Variants in SNX13 observed in about 807,000 individuals in gnomAD.
SNX13 encodes the protein sorting nexin 13.
Under a neutral mutation model 133.6 loss-of-function variants are expected in SNX13, and 45 were observed. The observed-to-expected ratio is 0.34, with a 90% CI of 0.27 to 0.43. SNX13 has a LOEUF of 0.43. Ranked by LOEUF, SNX13 falls within the 20% of genes least tolerant of loss-of-function variation. The pLI is 1.00. For synonymous variants in SNX13, 414 were observed against 373.9 expected (o/e 1.11, Z -1.24); for missense variants, 1,032 against 1,145.1 (o/e 0.90, Z 1.43).
At chr7:17,886,617 T>C (rs1796023208) in intron 5 of SNX13, among the ~76,000 whole-genome samples, 1 of 151,982 alleles carries the variant, frequency 6.6e-6, no homozygotes, top group African/African-American at 2.4e-5. Flanking sequence ...ATTATGTACT[T>C]TCTGCTAATC....
chr7:17,897,091 A>C (rs1484169462), intron 2 of SNX13, among the ~76,000 whole-genome samples: 3 of 152,076 alleles, frequency 2.0e-5, no homozygotes, highest in Non-Finnish European at 4.4e-5. Flanking sequence ...CATTATCACC[A>C]AAAAAAGTTC....
intron 18 of SNX13, 52 bp from the exon 19 acceptor site, chr7:17,816,341 C>T (rs1207316544): frequency 6.7e-7 from 1 of 1,500,002 alleles, no homozygotes; most frequent in Non-Finnish European, 8.9e-7. Context: ...AAAAGGTTTT[C>T]CCAAGTGATT....
chr7:17,859,605 T>C (rs1242571166), intron 9 of SNX13, among the ~76,000 whole-genome samples: 1 of 152,144 alleles, frequency 6.6e-6, no homozygotes, highest in Non-Finnish European at 1.5e-5. Flanking sequence ...TATTAGAACA[T>C]TGTTTTTAAA....
Position 17,873,543 on chromosome 7 carries a change from C to T in SNX13, c.738G>A (p.Met246Ile). The change falls in exon 8 of 26, where the codon ATG becomes ATA. Residue 246 changes from methionine to isoleucine, a missense_variant. Met to Ile is a conservative substitution (Grantham distance 10, BLOSUM62 1). Transcript: ENST00000428135. ...TTAAGCTTACCCTGACAAAGTATCG[C>T]ATGATCTTGTTCTGGAAATCTCCAG... ...LPPGDFQNKI[M>I]RYFVREILAR... The T allele has an allele frequency of 3.8e-6, 6 of 1,582,864 alleles. No individual in the cohort carries two copies. Among genetic ancestry groups the T allele is most frequent in the Non-Finnish European group, 5.1e-6 (6 of 1,165,082 alleles).
At chr7:17,803,076 G>A (rs573993203) in intron 21 of SNX13, among the ~76,000 whole-genome samples, 5 of 152,226 alleles carry the variant, frequency 3.3e-5, no homozygotes, top group Non-Finnish European at 5.9e-5. Context: ...TCATCTGCAC[G>A]ACAGAATTTG....
rs148740360 is a variant in SNX13 at position 17,903,429 on chromosome 7, G to GT, written c.13-5984dup. ...ACACCTCAGAACAACTTATGAAGCA[G>GT]TAGAAGGCAGCAGCATAGTGCTCAA... On this transcript the variant is annotated intron_variant, in intron 1 of 25. Transcript: ENST00000428135. Among the ~76,000 whole-genome samples, 455 of 152,314 alleles carry GT rather than the reference G, an allele frequency of 3.0e-3. 4 individuals carry two copies. The highest frequency in any genetic ancestry group is 0.01 in the African/African-American group (436 of 41,566).
At chr7:17,804,457 G>C (rs529370545) in intron 20 of SNX13, among the ~76,000 whole-genome samples, 31 of 152,062 alleles carry the variant, frequency 2.0e-4, no homozygotes, top group Non-Finnish European at 3.7e-4. Flanking sequence ...AAGGAAAAGA[G>C]ACGTTGCAAA....
rs142139934 is a variant in SNX13 at position 17,792,319 on chromosome 7, G to A, written c.*1726C>T. 5.3e-5 allele frequency: 8 copies of A among 152,066 alleles called. No homozygotes were observed. The East Asian group carries it at 1.4e-3, about 26-fold the overall frequency. 9.4% of individuals were successfully genotyped at this position (152,066 alleles called of 1,614,324 possible). ...AGAAGAAATACTATTTCTTCCACCA[G>A]AGCCACTAAGGATCTTTTCTCACTT... is the stretch of plus-strand genomic sequence containing the variant. On this transcript the variant is annotated 3_prime_UTR_variant, in exon 26 of 26. Coordinates refer to ENST00000428135, the MANE Select transcript of SNX13 (RefSeq NM_015132.5).
chr7:17,842,821 G>C (rs1439909635), intron 12 of SNX13, among the ~76,000 whole-genome samples: 2 of 152,044 alleles, frequency 1.3e-5, no homozygotes, highest in Admixed American at 6.6e-5. Context: ...AGCTGTAAAG[G>C]AGCAAAGTTT....
In SNX13 at chr7:17,834,755, T is replaced by C. The variant is rs777150493; in HGVS notation, c.1464+6A>G. The C allele has an allele frequency of 6.4e-6, 10 of 1,556,782 alleles. No homozygotes were observed. Among genetic ancestry groups the C allele is most frequent in the Admixed American group, 1.7e-5 (1 of 59,334 alleles). The stretch of plus-strand genomic sequence containing the variant: ...ATAAAATGATAAATGCTGTACATAA[T>C]AATACCTTTCTTTGAATGTCATCAA... On this transcript the variant is annotated splice_donor_region_variant and intron_variant, in intron 14 of 25. Coordinates refer to ENST00000428135, the MANE Select transcript of SNX13 (RefSeq NM_015132.5).
chr7:17,843,289 G>A (rs1479848414), intron 12 of SNX13, among the ~76,000 whole-genome samples: 5 of 151,996 alleles, frequency 3.3e-5, no homozygotes, highest in African/African-American at 9.7e-5. Context: ...GGCTACACTA[G>A]TATCAGCTGA....
At position 17,848,708 on chromosome 7, in the gene SNX13, C is replaced by T. The variant is rs756522853; in HGVS notation, c.1065+1639G>A. Among the ~76,000 whole-genome samples, 16 of 152,328 alleles carry T rather than the reference C, an allele frequency of 1.1e-4. No individual in the cohort carries two copies. The East Asian group carries it at 2.7e-3, about 26-fold the overall frequency. On this transcript the variant is annotated intron_variant, in intron 11 of 25. Coordinates refer to ENST00000428135, the MANE Select transcript of SNX13 (RefSeq NM_015132.5). ...GGTCCGAGTGAGTGGAGTTTGATCCCGCCAGTGCCGAAGTGGCAGGCTGGT... is the reference window on the plus strand; with the variant it reads ...GGTCCGAGTGAGTGGAGTTTGATCCTGCCAGTGCCGAAGTGGCAGGCTGGT...
Position 17,829,993 on chromosome 7 carries a change from C to G in SNX13, c.1635+17G>C. The G allele has an allele frequency of 2.0e-6, 3 of 1,505,734 alleles. No homozygotes were observed. Among genetic ancestry groups the G allele is most frequent in the Non-Finnish European group, 2.7e-6 (3 of 1,113,272 alleles). 93.3% of individuals were successfully genotyped at this position (1,505,734 alleles called of 1,614,324 possible). A position where few individuals can be genotyped will look rare whatever the true frequency, so the allele number is the denominator to read the frequency against. ...ATTTTCAAGTCACTTTAATAAAGTA[C>G]CCATAATAGTACTTACCAAATTTAT... On this transcript the variant is annotated intron_variant, in intron 16 of 25. Transcript: ENST00000428135.
chr7:17,920,519 G>A (rs1216911718), intron 1 of SNX13, among the ~76,000 whole-genome samples: 9 of 152,096 alleles, frequency 5.9e-5, no homozygotes, highest in South Asian at 4.1e-4. Flanking sequence ...CTCTGTGGGC[G>A]GTGATGTCTG....
intron 8 of SNX13, among the ~76,000 whole-genome samples, chr7:17,872,775 T>C (rs1307640584): frequency 6.6e-6 from 1 of 152,236 alleles, no homozygotes; most frequent in East Asian, 1.9e-4. Context: ...CTTTTGTTTT[T>C]AGGAAAATTC....
At chr7:17,880,821 A>G (rs1329418199) in intron 5 of SNX13, 2 of 152,216 alleles carry the variant, frequency 1.3e-5, no homozygotes, top group African/African-American at 4.8e-5. Flanking sequence ...AATATGTCAT[A>G]ATTTAAAGAG....
Position 17,799,184 on chromosome 7 carries a change from T to C in SNX13, c.2299-30A>G, listed in dbSNP as rs761661584. ...CAAAATATAAGAAATAAGAATAAGT[T>C]TGAGTTAGCTATCTACTATGAATTG... On this transcript the variant is annotated intron_variant, in intron 22 of 25. Transcript: ENST00000428135. The C allele has an allele frequency of 3.9e-5, 61 of 1,556,036 alleles. No individual in the cohort carries two copies. The East Asian group carries it at 9.2e-4, about 24-fold the overall frequency.
At chr7:17,918,106 A>G (rs751846573) in intron 1 of SNX13, among the ~76,000 whole-genome samples, 6 of 152,126 alleles carry the variant, frequency 3.9e-5, no homozygotes, top group Admixed American at 1.3e-4. Flanking sequence ...ACCTCATACA[A>G]AAGAAACTGG....
chr7:17,926,566 G>T (rs142863531), intron 1 of SNX13, among the ~76,000 whole-genome samples: 409 of 152,160 alleles, frequency 2.7e-3, no homozygotes, highest in Non-Finnish European at 4.5e-3. Flanking sequence ...TGAGTAAACA[G>T]ATGTTTATAA....
Sources: allele counts gnomAD v4.1 joint callset (sites outside exome capture counted in the v4.1 genomes callset), GRCh38; gene constraint gnomAD v4.1.1; transcripts MANE v1.5; gene names NCBI Gene and HGNC (gene_info 2026-07-23, HGNC 2026-07-21).